Variants in FGD6 observed in about 807,000 individuals in gnomAD.
FGD6 encodes the protein FYVE, RhoGEF and PH domain-containing protein 6.
A neutral mutation model predicts 149.4 loss-of-function variants in FGD6; 90 were observed. The observed-to-expected ratio is 0.60, with a 90% confidence interval of 0.51 to 0.72. FGD6 has a LOEUF of 0.72. FGD6 is among the 30% of genes least tolerant of loss of function. The pLI is 0.00. For missense variants in FGD6, 1,437 were observed against 1,684.8 expected (o/e 0.85, Z 2.57); for synonymous variants, 527 against 584.0 (o/e 0.90, Z 1.41).
intron 14 of FGD6, among the ~76,000 whole-genome samples, chr12:95,098,867 A>ATTTTTT (rs63204961): frequency 1.6e-5 from 2 of 126,744 alleles, no homozygotes; most frequent in Admixed American, 8.4e-5. Context: ...GGCCCTTTTA[A>ATTTTTT]TTTTTTTTTT....
At chr12:95,214,977 C>A (rs1055648325) in intron 1 of FGD6, among the ~76,000 whole-genome samples, 29 of 149,202 alleles carry the variant, frequency 1.9e-4, no homozygotes, top group African/African-American at 6.7e-4. Context: ...ATTTTCATAT[C>A]AGCCTCCCGA....
At position 95,076,895 on chromosome 12, in the gene FGD6, A is replaced by C. The variant is rs1234602529; in HGVS notation, c.*4625T>G. The C allele has an allele frequency of 6.7e-6, 1 of 150,250 alleles. No homozygotes were observed. The highest frequency in any genetic ancestry group is 2.4e-5 in the African/African-American group (1 of 41,170). 9.3% of individuals were successfully genotyped at this position (150,250 alleles called of 1,614,324 possible). ...TATTTCTAGAAATACATTATAAGCC[A>C]TTAAAAAAAAAACGATATTTCAAGA... On this transcript the variant is annotated 3_prime_UTR_variant, in exon 21 of 21. Transcript: ENST00000343958.
At chr12:95,193,660 C>G (rs1592871799) in intron 2 of FGD6, among the ~76,000 whole-genome samples, 1 of 151,840 alleles carries the variant, frequency 6.6e-6, no homozygotes, top group African/African-American at 2.4e-5. Flanking sequence ...TCCCAAGTAG[C>G]TGGGACTACA....
At chr12:95,100,645 A>G (rs1321676264) in intron 14 of FGD6, 2 of 534,424 alleles carry the variant, frequency 3.7e-6, no homozygotes, top group African/African-American at 1.9e-5. Context: ...AGTGTGCACT[A>G]TGGAGCTTGG....
chr12:95,141,504 T>G lies in FGD6; in HGVS notation c.2721A>C (p.Gln907His). Residue 907 changes from glutamine (Q) to histidine (H), a missense_variant, in exon 6 of 21, where the codon CAA becomes CAC. By Grantham distance (24) the Gln-to-His change is conservative. Around this residue, in one of 2 missense-constraint regions of FGD6, gnomAD observed 1,055 missense variants for 1,146.0 expected, o/e 0.92. Transcript: ENST00000343958. ...GGTCCTCAATCACTGGTTTCCCAAG[T>G]TGCCTGGAAGCATGAGCTACTGCAT... is the stretch of plus-strand genomic sequence containing the variant. ...FRDAVAHASR[Q>H]LGKPVIEDRI... 1 of 1,614,176 alleles carries G rather than the reference T, an allele frequency of 6.2e-7. No homozygotes were observed. Among genetic ancestry groups the G allele is most frequent in the Non-Finnish European group, 8.5e-7 (1 of 1,180,012 alleles).
In FGD6 at chr12:95,136,736, T is replaced by C. The variant is rs77507535; in HGVS notation, c.2994+786A>G. 1.7e-3 allele frequency among the ~76,000 whole-genome samples: 263 copies of C among 152,310 alleles called. 2 individuals carry two copies. Among genetic ancestry groups the C allele is most frequent in the African/African-American group, 6.2e-3 (258 of 41,540 alleles). The stretch of plus-strand genomic sequence containing the variant: ...AGAAGTTAAATTAAAAGTTAAGACA[T>C]GTTCCTTAATCAAGTTCATTGAGTC... On this transcript the variant is annotated intron_variant, in intron 7 of 20. Transcript: ENST00000343958.
At chr12:95,146,973 C>A (rs892146315) in intron 5 of FGD6, among the ~76,000 whole-genome samples, 2 of 152,158 alleles carry the variant, frequency 1.3e-5, no homozygotes, top group Admixed American at 6.5e-5. Flanking sequence ...ATCTCCAGCA[C>A]CAATGAGGGG....
At chr12:95,168,162 AGT>A (rs1880879708) in intron 3 of FGD6, among the ~76,000 whole-genome samples, 1 of 152,244 alleles carries the variant, frequency 6.6e-6, no homozygotes, top group African/African-American at 2.4e-5. Flanking sequence ...ACAGTTAGTA[AGT>A]GACAAATCTA....
At chr12:95,186,924 T>C (rs181398597) in intron 2 of FGD6, among the ~76,000 whole-genome samples, 6 of 152,286 alleles carry the variant, frequency 3.9e-5, no homozygotes, top group Admixed American at 2.6e-4. Context: ...CAGAATTTTG[T>C]GGGGATTAAA....
intron 2 of FGD6, among the ~76,000 whole-genome samples, chr12:95,201,495 C>A (rs982190276): frequency 5.9e-5 from 9 of 152,178 alleles, no homozygotes; most frequent in African/African-American, 2.2e-4. Flanking sequence ...AACCCCCACT[C>A]AGTTATGACT....
chr12:95,102,454 A>AAAAC, intron 14 of FGD6, among the ~76,000 whole-genome samples: 1 of 150,964 alleles, frequency 6.6e-6, no homozygotes, highest in East Asian at 1.9e-4. Context: ...AAAAAAAAAA[A>AAAAC]AAAAAAAAAA....
intron 3 of FGD6, among the ~76,000 whole-genome samples, chr12:95,166,818 C>T (rs373957849): frequency 2.6e-5 from 4 of 151,414 alleles, no homozygotes; most frequent in Admixed American, 6.6e-5. Flanking sequence ...TTTAGTTTAT[C>T]CACTCATCAT....
intron 8 of FGD6, among the ~76,000 whole-genome samples, chr12:95,123,172 G>T (rs1879241486): frequency 6.6e-6 from 1 of 151,846 alleles, no homozygotes; most frequent in Admixed American, 6.6e-5. Flanking sequence ...GCAAGGAAAG[G>T]ATCACCTGAG....
At chr12:95,157,452 G>A (rs1880504688) in intron 3 of FGD6, among the ~76,000 whole-genome samples, 1 of 151,166 alleles carries the variant, frequency 6.6e-6, no homozygotes, top group South Asian at 2.1e-4. Flanking sequence ...TGTAATCCCA[G>A]CCACTTGGGA....
intron 3 of FGD6, among the ~76,000 whole-genome samples, chr12:95,162,086 A>G (rs1188168071): frequency 1.4e-5 from 2 of 140,290 alleles, no homozygotes; most frequent in Non-Finnish European, 3.1e-5. Flanking sequence ...CAACATAGTG[A>G]CACCTGAAAA....
intron 9 of FGD6, among the ~76,000 whole-genome samples, chr12:95,111,387 G>C (rs1029748702): frequency 1.3e-5 from 2 of 152,122 alleles, no homozygotes; most frequent in Non-Finnish European, 2.9e-5. Context: ...CTTTAAATAA[G>C]CTCCTTAATC....
In FGD6 at chr12:95,183,867, C is replaced by T. The variant is rs150588375; in HGVS notation, c.2442-11123G>A. On this transcript the variant is annotated intron_variant, in intron 2 of 20. Coordinates refer to ENST00000343958, the MANE Select transcript of FGD6 (RefSeq NM_018351.4). The stretch of plus-strand genomic sequence containing the variant: ...ACAAAAACAACAACAAAACAACCTC[C>T]AAAAAAGGTGCCATTGTCTGGGATC... Among the ~76,000 whole-genome samples the T allele has an allele frequency of 9.1e-4, 139 of 152,114 alleles. 2 individuals carry two copies. Among genetic ancestry groups the T allele is most frequent in the East Asian group, 7.8e-4 (4 of 5,160 alleles).
intron 2 of FGD6, among the ~76,000 whole-genome samples, chr12:95,195,493 G>A (rs1282034739): frequency 6.6e-6 from 1 of 151,678 alleles, no homozygotes; most frequent in Non-Finnish European, 1.5e-5. Flanking sequence ...ACCTACACCT[G>A]TAGACTAAAA....
intron 8 of FGD6, among the ~76,000 whole-genome samples, chr12:95,123,180 G>C (rs1163625933): frequency 6.6e-6 from 1 of 151,930 alleles, no homozygotes; most frequent in African/African-American, 2.4e-5. Context: ...AGGATCACCT[G>C]AGGACAGGAG....
Sources: gnomAD v4.1 joint callset for allele counts (sites outside exome capture counted in the v4.1 genomes callset) on GRCh38, gnomAD v4.1.1 for gene constraint, gnomAD v4.1.1 regional missense constraint, MANE v1.5 for transcripts, NCBI Gene and HGNC (gene_info 2026-07-23, HGNC 2026-07-21) for gene names.